The following COQ3 variants were observed in gnomAD, a reference collection of about 807,000 sequenced individuals.
COQ3 encodes the protein ubiquinone biosynthesis O-methyltransferase, mitochondrial.
In COQ3, 29 loss-of-function variants were observed where a neutral mutation model predicts 33.1. That is an observed-to-expected ratio of 0.88 (90% CI 0.65 to 1.19). The LOEUF is 1.19. Ranked by LOEUF, COQ3 falls within the 50% of genes most tolerant of loss-of-function variation. The pLI, the probability that COQ3 is intolerant of heterozygous loss-of-function variation, is 0.00. For synonymous variants in COQ3, 173 were observed against 157.8 expected (o/e 1.10, Z -0.72); for missense variants, 437 against 430.7 (o/e 1.01, Z -0.13).
intron 1 of COQ3, among the ~76,000 whole-genome samples, chr6:99,387,889 G>A (rs997663104): frequency 2.0e-5 from 3 of 152,158 alleles, no homozygotes; most frequent in Admixed American, 6.6e-5. Flanking sequence ...ATTACAGGCC[G>A]CACAGTGGCT....
chr6:99,376,045 A>C lies in COQ3; in HGVS notation c.624T>G (p.Ile208Met). The C allele has an allele frequency of 6.2e-7, 1 of 1,614,114 alleles. No individual in the cohort carries two copies. Among genetic ancestry groups the C allele is most frequent in the Non-Finnish European group, 8.5e-7 (1 of 1,179,980 alleles). ...CAAATGTTTCTGCAGTCTCTTCCAC[A>C]ATCTCTTCCAGGGAACACACTCTGT... Reference protein sequence around the residue: ...IEYRVCSLEEIVEETAETFDA... With the variant: ...IEYRVCSLEEMVEETAETFDA... The change falls in exon 5 of 7, where the codon ATT becomes ATG. Residue 208 changes from isoleucine (I) to methionine (M), a missense_variant. By Grantham distance (10) the Ile-to-Met change is conservative. Transcript: ENST00000254759.
At chr6:99,394,040 A>G in intron 1 of COQ3, 34 bp downstream of exon 1, 1 of 1,565,360 alleles carries the variant, frequency 6.4e-7, no homozygotes, top group Non-Finnish European at 8.8e-7. Flanking sequence ...CTCGCAATTG[A>G]CTGCATGCGA....
intron 3 of COQ3, among the ~76,000 whole-genome samples, chr6:99,378,757 T>C (rs1774378396): frequency 6.6e-6 from 1 of 152,184 alleles, no homozygotes; most frequent in South Asian, 2.1e-4. Context: ...TGCTTTGCTT[T>C]GTCAGTGGTA....
At chr6:99,375,843 G>A in intron 5 of COQ3, 97 bp downstream of exon 5, 3 of 1,308,930 alleles carry the variant, frequency 2.3e-6, no homozygotes, top group Non-Finnish European at 3.2e-6. Context: ...TACCTTGCCT[G>A]CTGGACTGCT....
At chr6:99,385,073 T>G (rs186895436) in intron 1 of COQ3, among the ~76,000 whole-genome samples, 3 of 152,352 alleles carry the variant, frequency 2.0e-5, no homozygotes, top group Non-Finnish European at 2.9e-5. Flanking sequence ...ATCAAGCCAC[T>G]GTACTCCAGC....
intron 5 of COQ3, among the ~76,000 whole-genome samples, chr6:99,373,792 G>A (rs894156776): frequency 5.3e-5 from 8 of 152,006 alleles, no homozygotes. Context: ...AGGATTTTGA[G>A]ACCAGCCTGG....
intron 1 of COQ3, among the ~76,000 whole-genome samples, 180 bp downstream of exon 1, chr6:99,393,894 C>T (rs942793757): frequency 1.3e-5 from 2 of 152,176 alleles, no homozygotes; most frequent in African/African-American, 2.4e-5. Flanking sequence ...CCCCGGCGTC[C>T]GCCAACGGGA....
In COQ3 at chr6:99,369,835, AAT is replaced by A; in HGVS notation, c.890-17_890-16del. ...TGACAGACCATCTGAAAAAAAAAAA[AAT>A]CAGAAAGAGTAGATTTAATAAATAT... On this transcript the variant is annotated splice_polypyrimidine_tract_variant and intron_variant, in intron 6 of 6. Transcript: ENST00000254759. The A allele has an allele frequency of 6.7e-7, 1 of 1,486,454 alleles. No homozygotes were observed. The highest frequency in any genetic ancestry group is 2.3e-5 in the East Asian group (1 of 44,100). The allele number at this position is 1,486,454 out of a possible 1,614,324, so 92.1% of individuals were successfully genotyped here.
At chr6:99,383,880 TATGCATGTA>T in intron 1 of COQ3, 56 bp from the exon 2 acceptor site, 1 of 1,277,180 alleles carries the variant, frequency 7.8e-7, no homozygotes, top group Non-Finnish European at 1.1e-6. Flanking sequence ...GAATCCCTGA[TATGCATGTA>T]ATTGAAGATT....
At chr6:99,386,990 T>C (rs2128473305) in intron 1 of COQ3, among the ~76,000 whole-genome samples, 1 of 152,042 alleles carries the variant, frequency 6.6e-6, no homozygotes, top group East Asian at 1.9e-4. Context: ...ACAGACCAAT[T>C]CCTCTCAGGA....
intron 1 of COQ3, among the ~76,000 whole-genome samples, chr6:99,385,906 GAT>G (rs2128473068): frequency 6.8e-6 from 1 of 146,950 alleles, no homozygotes; most frequent in East Asian, 2.0e-4. Context: ...GAACCTGGGA[GAT>G]GGAGGTTGCA....
chr6:99,371,287 A>G (rs1774135599), intron 6 of COQ3, 141 bp downstream of exon 6: 1 of 566,692 alleles, frequency 1.8e-6, no homozygotes, highest in South Asian at 2.7e-5. Context: ...TGAGTTTATG[A>G]CCTAGTTGAG....
intron 1 of COQ3, among the ~76,000 whole-genome samples, chr6:99,384,636 T>A (rs1041573603): frequency 2.3e-4 from 35 of 152,308 alleles, no homozygotes; most frequent in Admixed American, 2.1e-3. Flanking sequence ...TCACCCAGTC[T>A]ATATGCTCAA....
intron 6 of COQ3, among the ~76,000 whole-genome samples, chr6:99,371,133 AAC>A (rs1489157990): frequency 6.6e-6 from 1 of 152,240 alleles, no homozygotes; most frequent in Non-Finnish European, 1.5e-5. Flanking sequence ...ATGTGTAAAT[AAC>A]AGACATTTGT....
chr6:99,393,995 GCCCC>G, intron 1 of COQ3, 75 bp downstream of exon 1: 1 of 1,197,466 alleles, frequency 8.4e-7, no homozygotes, highest in South Asian at 1.2e-5. Flanking sequence ...ACAACCCACC[GCCCC>G]ACCCCCGGCG....
At chr6:99,373,812 G>A (rs1774206765) in intron 5 of COQ3, among the ~76,000 whole-genome samples, 3 of 151,894 alleles carry the variant, frequency 2.0e-5, no homozygotes. Context: ...GGCAACATAG[G>A]GAGACCCTGT....
intron 1 of COQ3, among the ~76,000 whole-genome samples, chr6:99,385,918 A>G (rs1486075106): frequency 6.7e-6 from 1 of 149,158 alleles, no homozygotes; most frequent in African/African-American, 2.5e-5. Context: ...TGGAGGTTGC[A>G]GTGAGCCAAG....
chr6:99,374,122 CAAAAA>C (rs146515261), intron 5 of COQ3, among the ~76,000 whole-genome samples: 1,201 of 86,452 alleles, frequency 0.014, 21 homozygotes, highest in African/African-American at 0.052. Flanking sequence ...CTGACATTAG[CAAAAA>C]AAAAAAAAAA....
intron 4 of COQ3, among the ~76,000 whole-genome samples, chr6:99,376,709 G>T (rs1034724311): frequency 6.6e-6 from 1 of 152,058 alleles, no homozygotes; most frequent in Non-Finnish European, 1.5e-5. Context: ...GGTGGCTCAC[G>T]CCTGTAATCC....
Sources: gnomAD v4.1 joint callset for allele counts (sites outside exome capture counted in the v4.1 genomes callset) on GRCh38, gnomAD v4.1.1 for gene constraint, MANE v1.5 for transcripts, NCBI Gene and HGNC (gene_info 2026-07-23, HGNC 2026-07-21) for gene names.